Variants in ARHGAP31 observed in about 807,000 individuals in gnomAD.
ARHGAP31 encodes the protein rho GTPase-activating protein 31.
In ARHGAP31, 34 loss-of-function variants were observed where a neutral mutation model predicts 113.9. The ratio of observed to expected loss-of-function variants is 0.30; its 90% CI spans 0.23 to 0.40. The LOEUF is 0.40. Ranked by LOEUF, ARHGAP31 falls within the 10% of genes least tolerant of loss-of-function variation. The pLI is 1.00. For missense variants in ARHGAP31, 1,548 were observed against 1,767.1 expected, an observed-to-expected ratio of 0.88 and a Z score of 2.22; for synonymous variants, 650 against 684.8, an observed-to-expected ratio of 0.95 and a Z score of 0.79.
In ARHGAP31 at chr3:119,415,762, C is replaced by T. The variant is rs756944681; in HGVS notation, c.3833C>T (p.Thr1278Ile). The change falls in exon 12 of 12, where the codon ACT (threonine) becomes ATT (isoleucine). Residue 1278 changes from threonine (T) to isoleucine (I), a missense_variant. Thr to Ile is a moderately conservative substitution (Grantham distance 89, BLOSUM62 -1). Transcript: ENST00000264245. ...GAIKSSPVDATAPCMCEGPTL... is the reference protein window; with the variant it reads ...GAIKSSPVDAIAPCMCEGPTL... ...ATTAAGTCCTCACCAGTGGATGCCA[C>T]TGCACCCTGCATGTGCGAGGGACCT... The T allele has an allele frequency of 1.9e-6, 3 of 1,614,236 alleles. No individual in the cohort carries two copies. The Admixed American group carries it at 5.0e-5, about 27-fold the overall frequency.
At chr3:119,337,226 G>T (rs561650155) in intron 1 of ARHGAP31, among the ~76,000 whole-genome samples, 1 of 152,256 alleles carries the variant, frequency 6.6e-6, no homozygotes, top group South Asian at 2.1e-4. Context: ...CTGATGTTCG[G>T]ACATCTCCAG....
intron 5 of ARHGAP31, 77 bp from the exon 6 acceptor site, chr3:119,383,007 A>G (rs1426584414): frequency 6.4e-7 from 1 of 1,551,450 alleles, no homozygotes; most frequent in Non-Finnish European, 8.9e-7. Context: ...CCTTGTGCAA[A>G]AGGCCCACTG....
At chr3:119,402,832 T>C (rs75203710) in intron 10 of ARHGAP31, among the ~76,000 whole-genome samples, 7,130 of 152,264 alleles carry the variant, frequency 0.047, 227 homozygotes, top group Non-Finnish European at 0.067. Context: ...TCCAGTCTCC[T>C]TCTCTTTCCA....
intron 6 of ARHGAP31, among the ~76,000 whole-genome samples, chr3:119,388,308 T>TATATA (rs1553765977): frequency 0.013 from 1,762 of 133,674 alleles, 52 homozygotes; most frequent in African/African-American, 0.034. Flanking sequence ...TGTATAATTT[T>TATATA]TATATATATA....
chr3:119,351,572 A>T (rs898587929), intron 1 of ARHGAP31, among the ~76,000 whole-genome samples: 1 of 152,136 alleles, frequency 6.6e-6, no homozygotes, highest in African/African-American at 2.4e-5. Context: ...TGAAATAATG[A>T]TGGTTAATTC....
At chr3:119,372,317 C>G (rs924146992) in intron 3 of ARHGAP31, among the ~76,000 whole-genome samples, 1 of 141,768 alleles carries the variant, frequency 7.1e-6, no homozygotes, top group African/African-American at 2.7e-5. Context: ...GAGTCTCACT[C>G]TTGTCACCCA....
chr3:119,327,105 A>C (rs560900408), intron 1 of ARHGAP31, among the ~76,000 whole-genome samples: 1 of 152,156 alleles, frequency 6.6e-6, no homozygotes, highest in South Asian at 2.1e-4. Context: ...GCGCCACTGC[A>C]CTCCAGCCTG....
chr3:119,325,606 C>G lies in ARHGAP31; in HGVS notation c.100+30602C>G, dbSNP rs78503451. Among the ~76,000 whole-genome samples the G allele has an allele frequency of 3.8e-3, 476 of 126,196 alleles. 4 individuals are homozygous for G. Among genetic ancestry groups the G allele is most frequent in the African/African-American group, 0.014 (455 of 33,130 alleles). 82.8% of individuals were successfully genotyped at this position (126,196 alleles called of 152,430 possible). A position where few individuals can be genotyped will look rare whatever the true frequency, so the allele number is the denominator to read the frequency against. On this transcript the variant is annotated intron_variant, in intron 1 of 11. Coordinates refer to ENST00000264245, the MANE Select transcript of ARHGAP31 (RefSeq NM_020754.4). ...GGAGAAAGGGTGGAGGGGAAGCTAG[C>G]TTCTCCTAGTTCTGTATACCCAAGA...
intron 1 of ARHGAP31, among the ~76,000 whole-genome samples, chr3:119,320,909 TAGTG>T (rs1434971056): frequency 1.3e-5 from 2 of 152,128 alleles, no homozygotes; most frequent in Admixed American, 6.5e-5. Flanking sequence ...GTTCTTGTGA[TAGTG>T]AGTAAGTCTC....
At chr3:119,408,698 C>T (rs919336318) in intron 10 of ARHGAP31, among the ~76,000 whole-genome samples, 1 of 152,142 alleles carries the variant, frequency 6.6e-6, no homozygotes, top group African/African-American at 2.4e-5. Context: ...TGCTATGTGC[C>T]GAGCACAGTC....
intron 1 of ARHGAP31, among the ~76,000 whole-genome samples, chr3:119,300,842 AAAAG>A (rs543721008): frequency 0.11 from 14,647 of 138,190 alleles, 1,924 homozygotes; most frequent in African/African-American, 0.31. Flanking sequence ...AAAAAAAAAA[AAAAG>A]AAAGAAAGAA....
At chr3:119,344,677 T>G (rs2080038409) in intron 1 of ARHGAP31, among the ~76,000 whole-genome samples, 1 of 152,214 alleles carries the variant, frequency 6.6e-6, no homozygotes, top group South Asian at 2.1e-4. Context: ...TTGCCCAGGC[T>G]GGAGTACAGT....
rs71156742 is a variant in ARHGAP31 at position 119,307,940 on chromosome 3, C to CAA, written c.100+12955_100+12956dup. Among the ~76,000 whole-genome samples the CAA allele has an allele frequency of 3.7e-4, 17 of 45,464 alleles. 1 individual carries two copies. Among genetic ancestry groups the CAA allele is most frequent in the South Asian group, 2.3e-3 (2 of 882 alleles). 29.8% of individuals were successfully genotyped at this position (45,464 alleles called of 152,430 possible). A position where few individuals can be genotyped will look rare whatever the true frequency, so the allele number is the denominator to read the frequency against. ...AGTGAATCCAAGTATGAATTAACAG[C>CAA]AAAAAAAAAAAAAAAAAAAAGCTCA... On this transcript the variant is annotated intron_variant, in intron 1 of 11. Coordinates refer to ENST00000264245, the MANE Select transcript of ARHGAP31 (RefSeq NM_020754.4).
At chr3:119,351,373 G>C (rs991144728) in intron 1 of ARHGAP31, among the ~76,000 whole-genome samples, 2 of 152,164 alleles carry the variant, frequency 1.3e-5, no homozygotes, top group African/African-American at 4.8e-5. Context: ...GGTTTCCCTA[G>C]TGTGGAGGTT....
In ARHGAP31 at chr3:119,414,778, G is replaced by T. The variant is rs772828070; in HGVS notation, c.2849G>T (p.Arg950Leu). 1 of 1,614,188 alleles carries T rather than the reference G, an allele frequency of 6.2e-7. No homozygotes were observed. The highest frequency in any genetic ancestry group is 8.5e-7 in the Non-Finnish European group (1 of 1,180,036). ...AGGCTTTCCCACAGGCCCAGCCTTC[G>T]CCAGAGCCATTCTCTAGATAGCAAA... ...EKRLSHRPSL[R>L]QSHSLDSKPT... Residue 950 changes from arginine (R) to leucine (L), a missense_variant, in exon 12 of 12, where the codon CGC becomes CTC. Arg to Leu is a moderately radical substitution (Grantham distance 102). Coordinates refer to ENST00000264245, the MANE Select transcript of ARHGAP31 (RefSeq NM_020754.4).
chr3:119,365,551 C>T (rs1275723562), intron 2 of ARHGAP31, 133 bp downstream of exon 2: 1 of 769,808 alleles, frequency 1.3e-6, no homozygotes, highest in Admixed American at 2.0e-5. Flanking sequence ...AGATCAGATG[C>T]AGTGGTTTTC....
At chr3:119,394,450 A>G (rs1034177316) in intron 8 of ARHGAP31, among the ~76,000 whole-genome samples, 6 of 152,216 alleles carry the variant, frequency 3.9e-5, no homozygotes, top group Non-Finnish European at 5.9e-5. Context: ...AACTGAGGGA[A>G]CCATATATAG....
At chr3:119,352,211 G>A (rs1371609631) in intron 1 of ARHGAP31, among the ~76,000 whole-genome samples, 1 of 152,194 alleles carries the variant, frequency 6.6e-6, no homozygotes, top group African/African-American at 2.4e-5. Context: ...GTCACATGGG[G>A]ATGTCTTGCA....
chr3:119,399,537 G>A (rs917708890), intron 9 of ARHGAP31, among the ~76,000 whole-genome samples: 2 of 152,184 alleles, frequency 1.3e-5, no homozygotes, highest in African/African-American at 2.4e-5. Flanking sequence ...ATTCAAACCT[G>A]AACCAGGTAA....
Sources: allele counts gnomAD v4.1 joint callset (sites outside exome capture counted in the v4.1 genomes callset), GRCh38; gene constraint gnomAD v4.1.1; transcripts MANE v1.5; gene names NCBI Gene and HGNC (gene_info 2026-07-23, HGNC 2026-07-21).